Variants in MAP3K20 observed in about 807,000 individuals in gnomAD.
The protein encoded by MAP3K20 is mitogen-activated protein kinase kinase kinase 20.
MAP3K20 carries 40 observed loss-of-function variants against 85.7 expected under a neutral mutation model. The observed-to-expected ratio is 0.47, with a 90% CI of 0.36 to 0.61. The LOEUF is 0.61. MAP3K20 is among the 20% of genes least tolerant of loss of function. The pLI is 0.00. For synonymous variants in MAP3K20, 325 were observed against 327.7 expected, an observed-to-expected ratio of 0.99 and a Z score of 0.09; for missense variants, 817 against 961.7, an observed-to-expected ratio of 0.85 and a Z score of 1.99.
At position 173,256,506 on chromosome 2, in the gene MAP3K20, T is replaced by TAGAC. The variant is rs1279784010; in HGVS notation, c.1360-2190_1360-2189insCAGA. ...ATAGATAGATAGATAGATAGATAGA[T>TAGAC]AGATAGATAGATAGATAGATAGATA... On this transcript the variant is annotated intron_variant, in intron 16 of 19. Transcript: ENST00000375213. Among the ~76,000 whole-genome samples, 166 of 148,916 alleles carry TAGAC rather than the reference T, an allele frequency of 1.1e-3. 4 individuals are homozygous for TAGAC. The South Asian group carries it at 0.036, about 32-fold the overall frequency.
intron 16 of MAP3K20, 44 bp downstream of exon 16, chr2:173,239,540 A>G (rs1272472123): frequency 1.9e-6 from 3 of 1,561,658 alleles, no homozygotes; most frequent in Admixed American, 3.7e-5. Flanking sequence ...CAATCGAACT[A>G]CTCTTTTTTC....
At chr2:173,202,819 T>C (rs1356284321) in intron 8 of MAP3K20, among the ~76,000 whole-genome samples, 2 of 152,220 alleles carry the variant, frequency 1.3e-5, no homozygotes, top group African/African-American at 4.8e-5. Context: ...TCAGAAATCA[T>C]GATAAAGTTA....
intron 7 of MAP3K20, among the ~76,000 whole-genome samples, chr2:173,197,174 A>C (rs1200721638): frequency 2.0e-5 from 3 of 152,076 alleles, no homozygotes; most frequent in Non-Finnish European, 4.4e-5. Context: ...ACATTTTTGA[A>C]CTCCATTTGT....
At chr2:173,258,643 C>G in intron 16 of MAP3K20, 56 bp from the exon 17 acceptor site, 1 of 1,013,626 alleles carries the variant, frequency 9.9e-7, no homozygotes, top group East Asian at 2.5e-5. Flanking sequence ...AATATTGAGA[C>G]TAAAAAAAAA....
intron 1 of MAP3K20, among the ~76,000 whole-genome samples, chr2:173,078,124 A>G (rs147484326): frequency 2.0e-4 from 31 of 152,362 alleles, no homozygotes; most frequent in African/African-American, 6.3e-4. Context: ...GTGACAGAGC[A>G]AAATGGACAG....
chr2:173,121,563 AT>A, intron 2 of MAP3K20, among the ~76,000 whole-genome samples: 1 of 151,562 alleles, frequency 6.6e-6, no homozygotes, highest in South Asian at 2.1e-4. Flanking sequence ...ATTTTTTTGT[AT>A]TTTTAGTAGA....
chr2:173,076,677 C>T (rs989552945), intron 1 of MAP3K20, among the ~76,000 whole-genome samples: 1 of 152,262 alleles, frequency 6.6e-6, no homozygotes, highest in Non-Finnish European at 1.5e-5. Flanking sequence ...CCACCGCTCC[C>T]CGCCCTTCCT....
intron 8 of MAP3K20, 31 bp from the exon 9 acceptor site, chr2:173,203,765 A>G (rs369444556): frequency 1.3e-5 from 20 of 1,534,282 alleles, no homozygotes; most frequent in Non-Finnish European, 1.7e-5. Flanking sequence ...TCCCTGTTTT[A>G]TTTTGTTTTG....
At chr2:173,170,729 C>T (rs763361015) in intron 3 of MAP3K20, among the ~76,000 whole-genome samples, 1 of 152,150 alleles carries the variant, frequency 6.6e-6, no homozygotes, top group Non-Finnish European at 1.5e-5. Context: ...TAAATTATCT[C>T]ATCTAATACT....
chr2:173,130,683 G>T (rs72906979), intron 2 of MAP3K20, among the ~76,000 whole-genome samples: 4 of 152,300 alleles, frequency 2.6e-5, no homozygotes, highest in Non-Finnish European at 5.9e-5. Flanking sequence ...ACATGCTAGG[G>T]TGTGATCAGT....
At chr2:173,169,255 A>C (rs1689930407) in intron 2 of MAP3K20, among the ~76,000 whole-genome samples, 1 of 152,118 alleles carries the variant, frequency 6.6e-6, no homozygotes, top group Non-Finnish European at 1.5e-5. Flanking sequence ...ATTCTCCTCC[A>C]TTATCAGTCA....
chr2:173,266,770 T>G lies in MAP3K20; in HGVS notation c.*20T>G. On this transcript the variant is annotated 3_prime_UTR_variant, in exon 20 of 20. Coordinates refer to ENST00000375213, the MANE Select transcript of MAP3K20 (RefSeq NM_016653.3). The stretch of plus-strand genomic sequence containing the variant: ...TTTTGATGAATTGAACTACATAGCT[T>G]TTCTAAGCAGGTTAAAAAAAAAAAA... The G allele has an allele frequency of 7.4e-7, 1 of 1,349,532 alleles. No homozygotes were observed. Among genetic ancestry groups the G allele is most frequent in the East Asian group, 2.5e-5 (1 of 39,236 alleles). The allele number at this position is 1,349,532 out of a possible 1,614,324, so 83.6% of individuals were successfully genotyped here.
intron 3 of MAP3K20, among the ~76,000 whole-genome samples, chr2:173,170,742 G>T (rs1214138668): frequency 6.6e-6 from 1 of 152,124 alleles, no homozygotes; most frequent in African/African-American, 2.4e-5. Context: ...CTAATACTTA[G>T]AGTAATCCTA....
At chr2:173,219,386 TG>T (rs1257028311) in intron 11 of MAP3K20, among the ~76,000 whole-genome samples, 3 of 152,250 alleles carry the variant, frequency 2.0e-5, no homozygotes, top group Non-Finnish European at 4.4e-5. Flanking sequence ...TAAATATGGA[TG>T]TTTATTTTCT....
At chr2:173,200,147 C>T (rs73971702) in intron 8 of MAP3K20, among the ~76,000 whole-genome samples, 12,206 of 152,100 alleles carry the variant, frequency 0.08, 1,178 homozygotes, top group East Asian at 0.57. Flanking sequence ...TTGGGTATTA[C>T]AAGGATATTT....
At chr2:173,175,568 C>T (rs1015437399) in intron 3 of MAP3K20, among the ~76,000 whole-genome samples, 4 of 152,074 alleles carry the variant, frequency 2.6e-5, no homozygotes, top group Non-Finnish European at 4.4e-5. Context: ...ATTCTTTAAA[C>T]CTTACAGTGG....
rs565416853 is a variant in MAP3K20 at position 173,213,157 on chromosome 2, T to C, written c.851+3322T>C. On this transcript the variant is annotated intron_variant, in intron 10 of 19. Coordinates refer to ENST00000375213, the MANE Select transcript of MAP3K20 (RefSeq NM_016653.3). ...AGAGTGTTTTTTATTTGTATATCTT[T>C]ATTCCCTACTTCTTCCACATTAAAC... 4.0e-4 allele frequency among the ~76,000 whole-genome samples: 61 copies of C among 152,350 alleles called. No individual in the cohort carries two copies. In the South Asian group the frequency reaches 5.4e-3, roughly 13 times the overall value.
chr2:173,189,791 T>G (rs1175327704), intron 5 of MAP3K20, among the ~76,000 whole-genome samples: 1 of 152,164 alleles, frequency 6.6e-6, no homozygotes, highest in African/African-American at 2.4e-5. Flanking sequence ...TTGAGTTCGC[T>G]TCCTTCTCCC....
intron 2 of MAP3K20, among the ~76,000 whole-genome samples, chr2:173,123,661 A>G (rs1559240892): frequency 6.6e-6 from 1 of 152,244 alleles, no homozygotes; most frequent in East Asian, 1.9e-4. Flanking sequence ...ATTCAACCAG[A>G]TGTTCCCCTT....
Sources: gnomAD v4.1 joint callset for allele counts (sites outside exome capture counted in the v4.1 genomes callset) on GRCh38, gnomAD v4.1.1 for gene constraint, MANE v1.5 for transcripts, NCBI Gene and HGNC (gene_info 2026-07-23, HGNC 2026-07-21) for gene names.